Variants in YDJC observed in about 807,000 individuals in gnomAD.
The protein encoded by YDJC is carbohydrate deacetylase.
In YDJC, 23 loss-of-function variants were observed where a neutral mutation model predicts 18.9. The observed-to-expected ratio is 1.22, with a 90% CI of 0.87 to 1.72. The LOEUF is 1.72. Among genes scored for constraint, YDJC ranks in the 40% most tolerant of loss-of-function variants. The pLI, the probability that YDJC is intolerant of heterozygous loss-of-function variation, is 0.00. For synonymous variants in YDJC, 224 were observed against 217.6 expected, an observed-to-expected ratio of 1.03 and a Z score of -0.26; for missense variants, 467 against 470.8, an observed-to-expected ratio of 0.99 and a Z score of 0.07.
chr22:21,629,239 G>A, intron 3 of YDJC, 52 bp from the exon 4 acceptor site: 2 of 1,549,416 alleles, frequency 1.3e-6, no homozygotes, highest in South Asian at 2.4e-5. Flanking sequence ...TGGGGGCATC[G>A]AACTTCCCCT....
Position 21,628,638 on chromosome 22 carries a change from A to T in YDJC, c.752T>A (p.Val251Glu). The change falls in exon 5 of 5, where the codon GTG becomes GAG. Residue 251 changes from valine (V) to glutamate (E), a missense_variant. Coordinates refer to ENST00000292778, the MANE Select transcript of YDJC (RefSeq NM_001017964.2). ...TTCACCGCAGCCGCCGGTGGGAGGC[A>T]CACTGGGGTAGCCGGGGTGCGCCAT... ...ELMAHPGYPSVPPTGGCGEGP... is the reference protein window; with the variant it reads ...ELMAHPGYPSEPPTGGCGEGP... 6.3e-7 allele frequency: 1 copy of T among 1,588,838 alleles called. No homozygotes were observed. Among genetic ancestry groups the T allele is most frequent in the African/African-American group, 1.3e-5 (1 of 74,482 alleles).
In YDJC at chr22:21,628,905, G is replaced by C. The variant is rs868388034; in HGVS notation, c.602+105C>G. 1.6e-5 allele frequency: 23 copies of C among 1,423,554 alleles called. No homozygotes were observed. The Middle Eastern group carries it at 1.3e-3, about 78-fold the overall frequency. 88.2% of individuals were successfully genotyped at this position (1,423,554 alleles called of 1,614,324 possible). A position where few individuals can be genotyped will look rare whatever the true frequency, so the allele number is the denominator to read the frequency against. ...AACTGGGGTGGCGGCAGCGGTCGAC[G>C]CCAGACTCGCTTCCGGGTTGAGAAA... is the stretch of plus-strand genomic sequence containing the variant. On this transcript the variant is annotated intron_variant, in intron 4 of 4. Coordinates refer to ENST00000292778, the MANE Select transcript of YDJC (RefSeq NM_001017964.2).
chr22:21,629,143 G>C lies in YDJC; in HGVS notation c.469C>G (p.Arg157Gly), dbSNP rs1008439862. 2 of 1,540,208 alleles carry C rather than the reference G, an allele frequency of 1.3e-6. No individual in the cohort carries two copies. Among genetic ancestry groups the C allele is most frequent in the Admixed American group, 3.9e-5 (2 of 50,922 alleles). The part of the protein sequence containing the change: ...FAEALQAYGV[R>G]FTRLPLERGV... Reference sequence around the variant, plus strand: ...CGCTCCAGCGGCAGTCGCGTAAAGCGCACCCCATAGGCCTGCAGCGCCTCG... The same window carrying C: ...CGCTCCAGCGGCAGTCGCGTAAAGCCCACCCCATAGGCCTGCAGCGCCTCG... Residue 157 changes from arginine to glycine, a missense_variant, in exon 4 of 5, where the codon CGC becomes GGC. Transcript: ENST00000292778.
At chr22:21,629,263 C>T (rs970120954) in intron 3 of YDJC, 45 bp downstream of exon 3, 1 of 1,549,820 alleles carries the variant, frequency 6.5e-7, no homozygotes, top group Non-Finnish European at 8.7e-7. Context: ...CCCCCAGCCC[C>T]GCCTGGGAGT....
Position 21,628,701 on chromosome 22 carries a change from T to A in YDJC, c.689A>T (p.Glu230Val), listed in dbSNP as rs1487709646. Reference protein sequence around the residue: ...RVSGALARVLEGTLAGHTLTA... With the variant: ...RVSGALARVLVGTLAGHTLTA... Reference sequence around the variant, plus strand: ...CAGGGTGTGGCCCGCTAGGGTACCTTCCAGGACCCGCGCCAGGGCCCCGGA... The same window carrying A: ...CAGGGTGTGGCCCGCTAGGGTACCTACCAGGACCCGCGCCAGGGCCCCGGA... Residue 230 changes from glutamate to valine, a missense_variant, in exon 5 of 5, where the codon GAA becomes GTA. Physicochemically the swap from Glu to Val is moderately radical, Grantham distance 121. Coordinates refer to ENST00000292778, the MANE Select transcript of YDJC (RefSeq NM_001017964.2). 2 of 1,544,262 alleles carry A rather than the reference T, an allele frequency of 1.3e-6. No individual in the cohort carries two copies. Among genetic ancestry groups the A allele is most frequent in the Non-Finnish European group, 1.7e-6 (2 of 1,147,140 alleles).
Position 21,629,041 on chromosome 22 carries a change from C to A in YDJC, c.571G>T (p.Ala191Ser), listed in dbSNP as rs1930372308. 6.7e-7 allele frequency: 1 copy of A among 1,497,642 alleles called. No homozygotes were observed. Among genetic ancestry groups the A allele is most frequent in the Non-Finnish European group, 8.8e-7 (1 of 1,131,226 alleles). 92.8% of individuals were successfully genotyped at this position (1,497,642 alleles called of 1,614,324 possible). The part of the protein sequence containing the change: ...ACAVERDARA[A>S]VGPFSRHGLR... ...CCGTGGCGGGAGAAGGGGCCCACGG[C>A]GGCCCGGGCGTCGCGCTCCACGGCG... Residue 191 changes from alanine to serine, a missense_variant, in exon 4 of 5, where the codon GCC becomes TCC. By Grantham distance (99) the Ala-to-Ser change is moderately conservative. Transcript: ENST00000292778.
At position 21,629,675 on chromosome 22, in the gene YDJC, C is replaced by A. The variant is rs1202424381; in HGVS notation, c.251G>T (p.Gly84Val). ...PARRGASSLL[G>V]PEGFFLGKMG... is the part of the protein sequence containing the mutation. ...CTTGCCAAGGAAGAAGCCTTCCGGGCCGAGCAGCGATGAGGCGCCACGGCG... is the reference window on the plus strand; with the variant it reads ...CTTGCCAAGGAAGAAGCCTTCCGGGACGAGCAGCGATGAGGCGCCACGGCG... Residue 84 changes from glycine to valine, a missense_variant, in exon 2 of 5, where the codon GGC becomes GTC. By Grantham distance (109) the Gly-to-Val change is moderately radical. Coordinates refer to ENST00000292778, the MANE Select transcript of YDJC (RefSeq NM_001017964.2). The A allele has an allele frequency of 5.6e-6, 9 of 1,610,416 alleles. No individual in the cohort carries two copies. The highest frequency in any genetic ancestry group is 7.6e-6 in the Non-Finnish European group (9 of 1,179,250).
intron 2 of YDJC, 24 bp downstream of exon 2, chr22:21,629,578 C>T: frequency 1.2e-6 from 2 of 1,612,536 alleles, no homozygotes; most frequent in Non-Finnish European, 8.5e-7. Flanking sequence ...TCGCGAGCAT[C>T]CTCCTGTAGC....
In YDJC at chr22:21,628,406, G is replaced by T; in HGVS notation, c.*12C>A. ...GTACTAAGGGGATTAGTGCTTGGTT[G>T]TCTGTAGGGGGTCAGAGTAGGGAGG... On this transcript the variant is annotated 3_prime_UTR_variant, in exon 5 of 5. Transcript: ENST00000292778. 6.6e-7 allele frequency: 1 copy of T among 1,526,596 alleles called. No individual in the cohort carries two copies. Among genetic ancestry groups the T allele is most frequent in the Non-Finnish European group, 8.8e-7 (1 of 1,133,560 alleles). The allele number at this position is 1,526,596 out of a possible 1,614,324, so 94.6% of individuals were successfully genotyped here.
chr22:21,629,504 G>C, intron 2 of YDJC, 97 bp from the exon 3 acceptor site: 1 of 1,576,466 alleles, frequency 6.3e-7, no homozygotes. Context: ...TTTGAATGCG[G>C]AAGTCATCCA....
chr22:21,628,767 CCCA>C lies in YDJC; in HGVS notation c.620_622del (p.Val207del), dbSNP rs1263764578. The C allele has an allele frequency of 2.0e-6, 3 of 1,492,062 alleles. No homozygotes were observed. The South Asian group carries it at 3.8e-5, about 19-fold the overall frequency. The allele number at this position is 1,492,062 out of a possible 1,614,324, so 92.4% of individuals were successfully genotyped here. A position where few individuals can be genotyped will look rare whatever the true frequency, so the allele number is the denominator to read the frequency against. On this transcript the variant is annotated inframe_deletion, in exon 5 of 5. Coordinates refer to ENST00000292778, the MANE Select transcript of YDJC (RefSeq NM_001017964.2). ...CATGTGCCGGCCGCAAGTGCTCAGGCCCACGAAGGCGTCTGTCCACCTGTGGGG... is the reference window on the plus strand; with the variant it reads ...CATGTGCCGGCCGCAAGTGCTCAGGCCGAAGGCGTCTGTCCACCTGTGGGG...
At position 21,629,871 on chromosome 22, in the gene YDJC, G is replaced by A. The variant is rs763648321; in HGVS notation, c.144C>T (p.Ser48=). 1 of 1,573,532 alleles carries A rather than the reference G, an allele frequency of 6.4e-7. No homozygotes were observed. Residue 48 remains serine, a synonymous_variant, in exon 1 of 5, where the codon AGC becomes AGT. Coordinates refer to ENST00000292778, the MANE Select transcript of YDJC (RefSeq NM_001017964.2). ...SLLVNGAATE[S]AAELARRHSI... The stretch of plus-strand genomic sequence containing the variant: ...CTCACCTGCGGGCCAGCTCCGCCGC[G>A]CTCTCCGTGGCCGCACCGTTGACCA...
chr22:21,629,472 C>T (rs1261126432), intron 2 of YDJC, 65 bp from the exon 3 acceptor site: 1 of 1,539,080 alleles, frequency 6.5e-7, no homozygotes, highest in African/African-American at 1.4e-5. Context: ...CCTCCTCGTG[C>T]TTCCGTGTGA....
rs751609926 is a variant in YDJC at position 21,628,443 on chromosome 22, G to A, written c.947C>T (p.Pro316Leu). The A allele has an allele frequency of 6.4e-7, 1 of 1,566,738 alleles. No homozygotes were observed. The highest frequency in any genetic ancestry group is 1.4e-5 in the African/African-American group (1 of 73,676). ...TCAGAGTAGGGAGGGTTCCAGGAAGGGTTCCAGAGTGGGCTCACAGGGGAC... is the reference window on the plus strand; with the variant it reads ...TCAGAGTAGGGAGGGTTCCAGGAAGAGTTCCAGAGTGGGCTCACAGGGGAC... ...EEVPCEPTLEPFLEPSLL is the reference protein window; with the variant it reads ...EEVPCEPTLELFLEPSLL The change falls in exon 5 of 5, where the codon CCC becomes CTC. Residue 316 changes from proline (P) to leucine (L), a missense_variant. Transcript: ENST00000292778.
rs1398414014 is a variant in YDJC at position 21,628,648 on chromosome 22, A to G, written c.742T>C (p.Tyr248His). ...CCGCCGGTGGGAGGCACACTGGGGTAGCCGGGGTGCGCCATCAGCTCGGCT... is the reference window on the plus strand; with the variant it reads ...CCGCCGGTGGGAGGCACACTGGGGTGGCCGGGGTGCGCCATCAGCTCGGCT... ...LTAELMAHPG[Y>H]PSVPPTGGCG... The change falls in exon 5 of 5, where the codon TAC becomes CAC. Residue 248 changes from tyrosine to histidine, a missense_variant. Physicochemically the swap from Tyr to His is moderately conservative, Grantham distance 83. Transcript: ENST00000292778. 4 of 1,583,854 alleles carry G rather than the reference A, an allele frequency of 2.5e-6. No individual in the cohort carries two copies. Among genetic ancestry groups the G allele is most frequent in the Non-Finnish European group, 3.4e-6 (4 of 1,166,714 alleles).
chr22:21,629,371 G>T lies in YDJC; in HGVS notation c.361C>A (p.Arg121=). 3 of 1,549,812 alleles carry T rather than the reference G, an allele frequency of 1.9e-6. No homozygotes were observed. The highest frequency in any genetic ancestry group is 2.6e-6 in the Non-Finnish European group (3 of 1,146,906). ...EELEAQLSCF[R]ELLGRAPTHA... ...GTGGGGGCCCTGCCCAGCAGCTCCC[G>T]GAAGCAGCTTAGTTGGGCCTCGAGC... The change falls in exon 3 of 5, where the codon CGG becomes AGG. Residue 121 remains arginine (R), a synonymous_variant. Coordinates refer to ENST00000292778, the MANE Select transcript of YDJC (RefSeq NM_001017964.2).
In YDJC at chr22:21,629,855, G is replaced by C. The variant is rs775158625; in HGVS notation, c.160C>G (p.Arg54Gly). Residue 54 changes from arginine (R) to glycine (G), a missense_variant, in exon 1 of 5, where the codon CGC (arginine) becomes GGC (glycine). Arg to Gly is a moderately radical substitution (Grantham distance 125). Transcript: ENST00000292778. ...AATESAAELA[R>G]RHSIPTGLHA... ...TGCTAGAGGCCCTCCCCTCACCTGC[G>C]GGCCAGCTCCGCCGCGCTCTCCGTG... The C allele has an allele frequency of 1.3e-6, 2 of 1,555,038 alleles. No homozygotes were observed. The highest frequency in any genetic ancestry group is 2.3e-5 in the South Asian group (2 of 85,502).
At position 21,628,249 on chromosome 22, in the gene YDJC, T is replaced by C; in HGVS notation, c.*169A>G. ...CTGCAGCCAAGAAGGCTGCTCAAAC[T>C]CTAGATGCCATTTGGAGGCATGAGG... On this transcript the variant is annotated 3_prime_UTR_variant, in exon 5 of 5. Coordinates refer to ENST00000292778, the MANE Select transcript of YDJC (RefSeq NM_001017964.2). The C allele has an allele frequency of 3.0e-6, 3 of 986,420 alleles. No individual in the cohort carries two copies. Among genetic ancestry groups the C allele is most frequent in the Non-Finnish European group, 4.2e-6 (3 of 718,252 alleles). The allele number at this position is 986,420 out of a possible 1,614,324, so 61.1% of individuals were successfully genotyped here.
Position 21,629,149 on chromosome 22 carries a change from C to T in YDJC, c.463G>A (p.Gly155Arg), listed in dbSNP as rs1018960929. ...AGCGGCAGTCGCGTAAAGCGCACCC[C>T]ATAGGCCTGCAGCGCCTCGGCGAAC... ...QVFAEALQAYGVRFTRLPLER... is the reference protein window; with the variant it reads ...QVFAEALQAYRVRFTRLPLER... The change falls in exon 4 of 5, where the codon GGG (glycine) becomes AGG (arginine). Residue 155 changes from glycine to arginine, a missense_variant. Physicochemically the swap from Gly to Arg is moderately radical, Grantham distance 125. Coordinates refer to ENST00000292778, the MANE Select transcript of YDJC (RefSeq NM_001017964.2). 6.5e-7 allele frequency: 1 copy of T among 1,540,734 alleles called. No individual in the cohort carries two copies. Among genetic ancestry groups the T allele is most frequent in the African/African-American group, 1.4e-5 (1 of 73,032 alleles).
Sources: allele counts gnomAD v4.1 joint callset, GRCh38; gene constraint gnomAD v4.1.1; transcripts MANE v1.5; gene names NCBI Gene and HGNC (gene_info 2026-07-23, HGNC 2026-07-21).